Variants in CDH18 observed in about 807,000 individuals in gnomAD.
CDH18 encodes cadherin 18.
In CDH18, 31 loss-of-function variants were observed where a neutral mutation model predicts 67.9. That is an observed-to-expected ratio of 0.46 (90% CI 0.34 to 0.62). CDH18 has a LOEUF of 0.62. Among genes scored for constraint, CDH18 ranks in the 20% least tolerant of loss-of-function variants. The pLI is 0.01. For synonymous variants in CDH18, 362 were observed against 347.2 expected (o/e 1.04, Z -0.48); for missense variants, 890 against 975.5 (o/e 0.91, Z 1.17).
In CDH18 at chr5:20,304,806, A is replaced by C. The variant is rs1736277549; in HGVS notation, c.-579-49301T>G. On this transcript the variant is annotated intron_variant, in intron 1 of 14. Transcript: ENST00000507958. ...GGGAAGGAGACCGTGTTTCAGCCGC[A>C]GCTTTGTTAGATTCACTTTCAGAAT... 1.2e-5 allele frequency: 19 copies of C among 1,611,048 alleles called. No individual in the cohort carries two copies. The South Asian group carries it at 2.1e-4, about 18-fold the overall frequency.
chr5:20,519,185 A>G (rs187046912), intron 1 of CDH18, among the ~76,000 whole-genome samples: 2 of 152,290 alleles, frequency 1.3e-5, no homozygotes, highest in African/African-American at 4.8e-5. Context: ...AAAATGACAA[A>G]GACACTTTCC....
chr5:19,518,585 G>A (rs1746400773), intron 10 of CDH18, among the ~76,000 whole-genome samples: 1 of 152,180 alleles, frequency 6.6e-6, no homozygotes, highest in Non-Finnish European at 1.5e-5. Context: ...TGAGTCTTCC[G>A]GCCCTCGTCT....
intron 1 of CDH18, among the ~76,000 whole-genome samples, chr5:20,284,560 T>C (rs145041752): frequency 0.015 from 2,216 of 152,036 alleles, 29 homozygotes; most frequent in South Asian, 0.029. Flanking sequence ...TTATTCTTCT[T>C]GTGAGTTTAT....
rs760777430 is a variant in CDH18 at position 19,994,855 on chromosome 5, T to TATATATAGAGAGAGAGAGAGAGAGAG, written c.-517-2842_-517-2841insCTCTCTCTCTCTCTCTCTCTATATAT. On this transcript the variant is annotated intron_variant, in intron 2 of 14. Coordinates refer to the CDH18 transcript ENST00000507958. ...ATATATATATATATATATATATATA[T>TATATATAGAGAGAGAGAGAGAGAGAG]AGAGAGAGAGAGAGAGAGAGAGATG... Among the ~76,000 whole-genome samples the TATATATAGAGAGAGAGAGAGAGAGAG allele has an allele frequency of 5.9e-5, 4 of 67,586 alleles. 1 individual carries two copies. The highest frequency in any genetic ancestry group is 2.9e-4 in the African/African-American group (4 of 13,586). The allele number at this position is 67,586 out of a possible 152,430, so 44.3% of individuals were successfully genotyped here.
At chr5:20,107,681 C>T (rs1747080448) in intron 2 of CDH18, among the ~76,000 whole-genome samples, 1 of 152,068 alleles carries the variant, frequency 6.6e-6, no homozygotes, top group South Asian at 2.1e-4. Flanking sequence ...CTTAGCTTGC[C>T]GATGGCTGTC....
chr5:20,339,987 G>A (rs1740119918), intron 1 of CDH18, among the ~76,000 whole-genome samples: 1 of 152,162 alleles, frequency 6.6e-6, no homozygotes, highest in Admixed American at 6.5e-5. Context: ...AGTGCCCTTG[G>A]AGGACTCTAA....
intron 8 of CDH18, 79 bp downstream of exon 8, chr5:19,571,500 G>C: frequency 8.2e-7 from 1 of 1,220,952 alleles, no homozygotes. Flanking sequence ...AACATTTTAA[G>C]TGTAATTTTA....
In CDH18 at chr5:19,504,286, C is replaced by T. The variant is rs139496095; in HGVS notation, c.1513-1177G>A. ...ATGTTTACTGGGCTCACTCTTTCAC[C>T]GCCTTTCCATCACTGCTCAAAAGAT... On this transcript the variant is annotated intron_variant, in intron 10 of 12. Coordinates refer to ENST00000382275, the MANE Select transcript of CDH18 (RefSeq NM_004934.5). Among the ~76,000 whole-genome samples the T allele has an allele frequency of 2.6e-3, 393 of 152,122 alleles. 3 individuals are homozygous for T. Among genetic ancestry groups the T allele is most frequent in the African/African-American group, 8.9e-3 (368 of 41,520 alleles).
intron 2 of CDH18, among the ~76,000 whole-genome samples, chr5:19,926,730 C>A (rs911287239): frequency 6.6e-6 from 1 of 152,034 alleles, no homozygotes. Flanking sequence ...AAATTTTCTT[C>A]TGCTACCCAA....
At chr5:20,381,333 A>G (rs1014597429) in intron 1 of CDH18, among the ~76,000 whole-genome samples, 1 of 152,090 alleles carries the variant, frequency 6.6e-6, no homozygotes, top group African/African-American at 2.4e-5. Flanking sequence ...GGTTGGAGGA[A>G]GAGGTGGAGC....
chr5:20,181,913 G>C (rs924290997), intron 2 of CDH18, among the ~76,000 whole-genome samples: 1 of 151,956 alleles, frequency 6.6e-6, no homozygotes, highest in African/African-American at 2.4e-5. Flanking sequence ...ATGTTTTCTT[G>C]GCTTCAAAGT....
chr5:20,521,009 T>C (rs1309019120), intron 1 of CDH18, among the ~76,000 whole-genome samples: 2 of 152,076 alleles, frequency 1.3e-5, no homozygotes, highest in African/African-American at 2.4e-5. Flanking sequence ...TGTTCTGAAA[T>C]GGGACTATAT....
intron 2 of CDH18, among the ~76,000 whole-genome samples, chr5:19,977,538 C>T (rs572808771): frequency 5.4e-4 from 82 of 152,228 alleles, no homozygotes; most frequent in African/African-American, 1.8e-3. Flanking sequence ...GATTGTTTCA[C>T]GTGCAGGCAG....
intron 3 of CDH18, among the ~76,000 whole-genome samples, chr5:19,748,129 A>AAAAAAAAAAAAAAAAAAAAAAAAC (rs1561215737): frequency 6.9e-6 from 1 of 145,004 alleles, no homozygotes; most frequent in East Asian, 2.0e-4. Flanking sequence ...AAAAAAAAAA[A>AAAAAAAAAAAAAAAAAAAAAAAAC]AAAAGAGTAC....
chr5:19,939,210 T>A (rs76608135), intron 2 of CDH18, among the ~76,000 whole-genome samples: 16,648 of 151,498 alleles, frequency 0.11, 2,627 homozygotes, highest in African/African-American at 0.35. Flanking sequence ...TTATTTGAAA[T>A]GAATTATTCA....
intron 5 of CDH18, among the ~76,000 whole-genome samples, chr5:19,692,786 T>A (rs72739181): frequency 6.6e-6 from 1 of 151,988 alleles, no homozygotes; most frequent in Non-Finnish European, 1.5e-5. Flanking sequence ...TTAGTTGGGA[T>A]GTAAATGAGT....
chr5:20,151,667 A>C (rs1898161), intron 2 of CDH18, among the ~76,000 whole-genome samples: 3 of 152,274 alleles, frequency 2.0e-5, no homozygotes, highest in Non-Finnish European at 2.9e-5. Context: ...GACTTTTCAA[A>C]AATAGTCATT....
At chr5:19,957,860 C>T (rs2150289763) in intron 2 of CDH18, among the ~76,000 whole-genome samples, 1 of 151,928 alleles carries the variant, frequency 6.6e-6, no homozygotes, top group Admixed American at 6.6e-5. Context: ...TTTTACTAAA[C>T]AGCTATTTTC....
At chr5:20,341,184 G>A (rs1047828216) in intron 1 of CDH18, among the ~76,000 whole-genome samples, 2 of 152,160 alleles carry the variant, frequency 1.3e-5, no homozygotes, top group African/African-American at 4.8e-5. Flanking sequence ...TCCTGAGTGT[G>A]TCTGTGAGGG....
Sources: allele counts gnomAD v4.1 joint callset (sites outside exome capture counted in the v4.1 genomes callset), GRCh38; gene constraint gnomAD v4.1.1; transcripts MANE v1.5; gene names NCBI Gene and HGNC (gene_info 2026-07-23, HGNC 2026-07-21).